The following RAB4A variants were observed in gnomAD, a reference collection of about 807,000 sequenced individuals.
RAB4A encodes the protein ras-related protein Rab-4A.
RAB4A carries 20 observed loss-of-function variants against 34.5 expected under a neutral mutation model. That is an observed-to-expected ratio of 0.58 (90% CI 0.41 to 0.84). RAB4A has a LOEUF of 0.84. Ranked by LOEUF, RAB4A falls within the 40% of genes least tolerant of loss-of-function variation. RAB4A has a pLI of 0.00. For synonymous variants in RAB4A, 102 were observed against 100.0 expected, an observed-to-expected ratio of 1.02 and a Z score of -0.12; for missense variants, 228 against 274.5, an observed-to-expected ratio of 0.83 and a Z score of 1.20.
Position 229,305,429 on chromosome 1 carries a change from G to A in RAB4A, c.*1636G>A, listed in dbSNP as rs1381228250. On this transcript the variant is annotated 3_prime_UTR_variant, in exon 8 of 8. Coordinates refer to ENST00000366690, the MANE Select transcript of RAB4A (RefSeq NM_004578.4). ...ATAAATGTAAAGTTGTTTTATAAAC[G>A]ATCCTGTTAATTAAACCACAGACAC... 8 of 814,584 alleles carry A rather than the reference G, an allele frequency of 9.8e-6. No homozygotes were observed. The highest frequency in any genetic ancestry group is 1.8e-5 in the African/African-American group (1 of 55,774). The allele number at this position is 814,584 out of a possible 1,614,324, so 50.5% of individuals were successfully genotyped here. A position where few individuals can be genotyped will look rare whatever the true frequency, so the allele number is the denominator to read the frequency against.
Position 229,271,205 on chromosome 1 carries a change from G to C in RAB4A, c.-135G>C, listed in dbSNP as rs965218400. On this transcript the variant is annotated 5_prime_UTR_variant, in exon 1 of 8. Coordinates refer to ENST00000366690, the MANE Select transcript of RAB4A (RefSeq NM_004578.4). Reference sequence around the variant, plus strand: ...GCTGGGCCGCAGCCGCTGGGAGACCGGCGGTTGCCGTGGGGACCGGTCGGG... The same window carrying C: ...GCTGGGCCGCAGCCGCTGGGAGACCCGCGGTTGCCGTGGGGACCGGTCGGG... The C allele has an allele frequency of 2.3e-6, 2 of 882,936 alleles. No homozygotes were observed. The highest frequency in any genetic ancestry group is 3.0e-6 in the Non-Finnish European group (2 of 673,328). The allele number at this position is 882,936 out of a possible 1,614,324, so 54.7% of individuals were successfully genotyped here.
chr1:229,279,965 T>C (rs1227037744), intron 1 of RAB4A, among the ~76,000 whole-genome samples: 1 of 152,246 alleles, frequency 6.6e-6, no homozygotes, highest in Non-Finnish European at 1.5e-5. Context: ...TTATATAACC[T>C]ACATAGGCAT....
chr1:229,295,804 A>C, intron 3 of RAB4A, 44 bp from the exon 4 acceptor site: 1 of 1,599,578 alleles, frequency 6.3e-7, no homozygotes, highest in Non-Finnish European at 8.6e-7. Context: ...GATACAGTAA[A>C]GGGTCTCAAT....
At chr1:229,295,313 T>G (rs749486932) in intron 3 of RAB4A, among the ~76,000 whole-genome samples, 13 of 152,148 alleles carry the variant, frequency 8.5e-5, no homozygotes, top group Non-Finnish European at 1.5e-4. Context: ...AAAAGACGCC[T>G]TCTTGAATGT....
chr1:229,275,246 T>G (rs1486723143), intron 1 of RAB4A, among the ~76,000 whole-genome samples: 1 of 152,106 alleles, frequency 6.6e-6, no homozygotes, highest in Non-Finnish European at 1.5e-5. Context: ...CACAAATGCA[T>G]TCAGAGAGAA....
chr1:229,282,965 A>G (rs926273312), intron 1 of RAB4A, among the ~76,000 whole-genome samples: 1 of 152,020 alleles, frequency 6.6e-6, no homozygotes, highest in Non-Finnish European at 1.5e-5. Context: ...TTTTTCGTTC[A>G]GTTTGAGGTC....
At chr1:229,283,898 T>TTAA (rs1553300837) in intron 1 of RAB4A, among the ~76,000 whole-genome samples, 1 of 149,002 alleles carries the variant, frequency 6.7e-6, no homozygotes, top group Non-Finnish European at 1.5e-5. Flanking sequence ...GGCTAATTTT[T>TTAA]TTATTATTAT....
At chr1:229,281,540 G>A (rs1355379176) in intron 1 of RAB4A, among the ~76,000 whole-genome samples, 3 of 151,952 alleles carry the variant, frequency 2.0e-5, no homozygotes, top group African/African-American at 7.2e-5. Context: ...TGAGTTTCTT[G>A]TAGACGGTGT....
chr1:229,302,747 G>T, intron 6 of RAB4A, 115 bp from the exon 7 acceptor site: 1 of 671,076 alleles, frequency 1.5e-6, no homozygotes. Flanking sequence ...CCTTTATTCA[G>T]AATGGTGGGA....
At chr1:229,282,788 A>G (rs1656808468) in intron 1 of RAB4A, among the ~76,000 whole-genome samples, 1 of 152,072 alleles carries the variant, frequency 6.6e-6, no homozygotes, top group South Asian at 2.1e-4. Flanking sequence ...TCTTCTGTGT[A>G]TCTTCTAGTT....
chr1:229,295,750 G>A (rs1657235498), intron 3 of RAB4A, 98 bp from the exon 4 acceptor site: 1 of 1,081,094 alleles, frequency 9.2e-7, no homozygotes, highest in Non-Finnish European at 1.4e-6. Context: ...TCCCTGTGTT[G>A]TGGTTTACAA....
chr1:229,302,886 G>A lies in RAB4A; in HGVS notation c.566G>A (p.Gly189Asp). ...ESGELDPERM[G>D]SGIQYGDAAL... ...GGTGAGCTGGACCCAGAAAGAATGG[G>A]CTCAGGTATTCAGTACGGAGATGCT... Residue 189 changes from glycine to aspartate, a missense_variant, in exon 7 of 8, where the codon GGC becomes GAC. Physicochemically the swap from Gly to Asp is moderately conservative, Grantham distance 94. Transcript: ENST00000366690. The A allele has an allele frequency of 6.2e-7, 1 of 1,613,692 alleles. No homozygotes were observed. The highest frequency in any genetic ancestry group is 1.1e-5 in the South Asian group (1 of 91,062).
intron 5 of RAB4A, among the ~76,000 whole-genome samples, chr1:229,297,961 AT>A (rs1657290444): frequency 2.0e-5 from 3 of 152,178 alleles, no homozygotes; most frequent in Non-Finnish European, 4.4e-5. Flanking sequence ...TGATGTCATT[AT>A]TTTTTAATGT....
At chr1:229,282,165 C>A (rs1656794832) in intron 1 of RAB4A, among the ~76,000 whole-genome samples, 1 of 151,952 alleles carries the variant, frequency 6.6e-6, no homozygotes. Context: ...CAGAGAATGT[C>A]TTCATTTACC....
In RAB4A at chr1:229,299,773, T is replaced by C. The variant is rs1181565295; in HGVS notation, c.541+701T>C. On this transcript the variant is annotated intron_variant, in intron 6 of 7. Transcript: ENST00000366690. Reference sequence around the variant, plus strand: ...ACACCCCTTGCCCCCCAAGAAACTGTCTTTCATGGGAGACAGTCAGAGGAT... The same window carrying C: ...ACACCCCTTGCCCCCCAAGAAACTGCCTTTCATGGGAGACAGTCAGAGGAT... 2.0e-5 allele frequency among the ~76,000 whole-genome samples: 3 copies of C among 152,186 alleles called. No homozygotes were observed. In the East Asian group the frequency reaches 5.8e-4, roughly 29 times the overall value.
At chr1:229,283,494 C>T (rs1238096247) in intron 1 of RAB4A, among the ~76,000 whole-genome samples, 1 of 152,204 alleles carries the variant, frequency 6.6e-6, no homozygotes, top group Non-Finnish European at 1.5e-5. Flanking sequence ...CTCTCTCTTG[C>T]TTGGCTGCCC....
At chr1:229,289,368 C>A (rs1162704335) in intron 3 of RAB4A, among the ~76,000 whole-genome samples, 1 of 152,156 alleles carries the variant, frequency 6.6e-6, no homozygotes, top group African/African-American at 2.4e-5. Flanking sequence ...TCTGTAACTA[C>A]TAAAGCAAGA....
chr1:229,298,384 A>G (rs1425322828), intron 5 of RAB4A, among the ~76,000 whole-genome samples: 1 of 152,232 alleles, frequency 6.6e-6, no homozygotes, highest in East Asian at 1.9e-4. Flanking sequence ...ATGAAAAGGA[A>G]TTTAGATGTC....
intron 1 of RAB4A, among the ~76,000 whole-genome samples, chr1:229,278,269 A>C (rs373975707): frequency 1.3e-5 from 2 of 152,122 alleles, no homozygotes; most frequent in African/African-American, 4.8e-5. Context: ...CACTTTGCAC[A>C]GCTCCAGCCC....
Sources: allele counts gnomAD v4.1 joint callset (sites outside exome capture counted in the v4.1 genomes callset), GRCh38; gene constraint gnomAD v4.1.1; transcripts MANE v1.5; gene names NCBI Gene and HGNC (gene_info 2026-07-23, HGNC 2026-07-21).